Variants in FRMD4A observed in about 807,000 individuals in gnomAD.
FRMD4A encodes FERM domain containing 4A.
Under a neutral mutation model 129.1 loss-of-function variants are expected in FRMD4A, and 29 were observed. The observed-to-expected ratio is 0.22, with a 90% confidence interval of 0.17 to 0.31. The LOEUF (loss-of-function observed/expected upper bound fraction) is 0.31, where lower values mean the gene tolerates loss of function less well. FRMD4A is among the 10% of genes least tolerant of loss of function. The pLI is 1.00. For missense variants in FRMD4A, 1,272 were observed against 1,375.8 expected (o/e 0.92, Z 1.19); for synonymous variants, 634 against 571.6 (o/e 1.11, Z -1.56).
Position 14,127,999 on chromosome 10 carries a change from TCTTTC to T in FRMD4A, c.45+202054_45+202058del, listed in dbSNP as rs1838986713. Among the ~76,000 whole-genome samples, 2 of 101,050 alleles carry T rather than the reference TCTTTC, an allele frequency of 2.0e-5. 1 individual carries two copies. The highest frequency in any genetic ancestry group is 9.2e-5 in the African/African-American group (2 of 21,686). The allele number at this position is 101,050 out of a possible 152,430, so 66.3% of individuals were successfully genotyped here. A position where few individuals can be genotyped will look rare whatever the true frequency, so the allele number is the denominator to read the frequency against. On this transcript the variant is annotated intron_variant, in intron 2 of 24. Coordinates refer to ENST00000357447, the MANE Select transcript of FRMD4A (RefSeq NM_018027.5). ...CTTTCCTTCTCTCTCTCTCTCTCTC[TCTTTC>T]TTTCTTTCTTCCTTCCTTCCTTCCT...
At chr10:13,862,226 A>G (rs2094304605) in intron 2 of FRMD4A, among the ~76,000 whole-genome samples, 2 of 152,242 alleles carry the variant, frequency 1.3e-5, no homozygotes, top group African/African-American at 4.8e-5. Flanking sequence ...TAAAAGGTTA[A>G]GGGTATAAAC....
chr10:14,273,504 T>C (rs1237501009), intron 2 of FRMD4A, among the ~76,000 whole-genome samples: 1 of 152,238 alleles, frequency 6.6e-6, no homozygotes. Context: ...TCAGCTCATG[T>C]AAGCTGATGA....
At chr10:14,042,530 G>A (rs1018200275) in intron 2 of FRMD4A, among the ~76,000 whole-genome samples, 4 of 152,124 alleles carry the variant, frequency 2.6e-5, no homozygotes, top group Non-Finnish European at 5.9e-5. Flanking sequence ...GCCTTGCTGA[G>A]GAAATTAAAT....
chr10:14,160,493 G>A (rs1402555723), intron 2 of FRMD4A, among the ~76,000 whole-genome samples: 1 of 152,148 alleles, frequency 6.6e-6, no homozygotes, highest in Non-Finnish European at 1.5e-5. Context: ...TCAACAGAGT[G>A]GAGAGACACC....
intron 2 of FRMD4A, among the ~76,000 whole-genome samples, chr10:13,973,343 T>C (rs1338915832): frequency 6.6e-6 from 1 of 152,228 alleles, no homozygotes; most frequent in Non-Finnish European, 1.5e-5. Flanking sequence ...ATTTGTTTAA[T>C]TAATATAATG....
chr10:14,292,326 C>T (rs976143296), intron 2 of FRMD4A, among the ~76,000 whole-genome samples: 2 of 152,158 alleles, frequency 1.3e-5, no homozygotes, highest in African/African-American at 4.8e-5. Flanking sequence ...ACAGAATGCT[C>T]AGAAATAAGC....
chr10:13,816,823 T>C (rs887191643), intron 3 of FRMD4A, among the ~76,000 whole-genome samples: 1 of 152,150 alleles, frequency 6.6e-6, no homozygotes, highest in Non-Finnish European at 1.5e-5. Flanking sequence ...CCCAATCGCA[T>C]TCTATTGGAC....
At chr10:14,169,056 A>C in intron 2 of FRMD4A, among the ~76,000 whole-genome samples, 1 of 152,204 alleles carries the variant, frequency 6.6e-6, no homozygotes, top group Non-Finnish European at 1.5e-5. Flanking sequence ...TCTTTGTAAG[A>C]GAATCTGATG....
chr10:13,935,396 C>T (rs2095240121), intron 2 of FRMD4A, among the ~76,000 whole-genome samples: 1 of 126,038 alleles, frequency 7.9e-6, no homozygotes, highest in South Asian at 2.7e-4. Flanking sequence ...CAAGATCATG[C>T]TATTGCACTA....
intron 2 of FRMD4A, among the ~76,000 whole-genome samples, chr10:14,299,057 G>A (rs1012161119): frequency 5.3e-5 from 8 of 152,306 alleles, no homozygotes; most frequent in Admixed American, 5.2e-4. Context: ...CAGACATTCA[G>A]CGATCAAACT....
chr10:13,833,848 C>T (rs1172403606), intron 3 of FRMD4A, among the ~76,000 whole-genome samples: 2 of 152,116 alleles, frequency 1.3e-5, no homozygotes, highest in Admixed American at 6.6e-5. Context: ...TGGAGCTGGG[C>T]CTCAAAGCCA....
intron 6 of FRMD4A, among the ~76,000 whole-genome samples, chr10:13,776,739 C>T (rs563471350): frequency 1.3e-5 from 2 of 152,246 alleles, no homozygotes; most frequent in South Asian, 2.1e-4. Flanking sequence ...GGAACCGTTC[C>T]CCAAGAGACA....
chr10:14,019,264 CA>C (rs1832622081), intron 2 of FRMD4A, among the ~76,000 whole-genome samples: 1 of 151,822 alleles, frequency 6.6e-6, no homozygotes, highest in East Asian at 1.9e-4. Context: ...ATGAATTTAC[CA>C]AATTGAGAGG....
At chr10:14,160,945 C>G (rs1329513707) in intron 2 of FRMD4A, among the ~76,000 whole-genome samples, 1 of 152,036 alleles carries the variant, frequency 6.6e-6, no homozygotes, top group Non-Finnish European at 1.5e-5. Context: ...TTATGGAAAA[C>G]TGCATGAAGA....
intron 2 of FRMD4A, among the ~76,000 whole-genome samples, chr10:13,925,767 T>C (rs2095127054): frequency 6.6e-6 from 1 of 151,580 alleles, no homozygotes; most frequent in Non-Finnish European, 1.5e-5. Context: ...GTAATTTTAG[T>C]AGAGACAGGG....
At chr10:14,095,931 C>G (rs12247012) in intron 2 of FRMD4A, among the ~76,000 whole-genome samples, 1 of 151,970 alleles carries the variant, frequency 6.6e-6, no homozygotes, top group Admixed American at 6.6e-5. Context: ...ACATAAGGAG[C>G]GCAAGTGGAA....
In FRMD4A at chr10:13,900,633, A is replaced by G. The variant is rs540153069; in HGVS notation, c.46-41721T>C. ...AAAATAGGGCCGGGCATGGTGGCTC[A>G]TGCCTGTAATCCCGGGACTTTGGGA... On this transcript the variant is annotated intron_variant, in intron 2 of 24. Transcript: ENST00000357447. 2.1e-4 allele frequency among the ~76,000 whole-genome samples: 32 copies of G among 152,308 alleles called. No homozygotes were observed. In the South Asian group the frequency reaches 6.4e-3, roughly 31 times the overall value.
intron 2 of FRMD4A, among the ~76,000 whole-genome samples, chr10:14,065,594 T>C (rs1017242603): frequency 1.2e-4 from 18 of 152,040 alleles, no homozygotes; most frequent in Non-Finnish European, 7.4e-5. Flanking sequence ...CAGAAATCAC[T>C]CACTCAAGCC....
chr10:13,934,459 C>A (rs1364516080), intron 2 of FRMD4A, among the ~76,000 whole-genome samples: 2 of 149,032 alleles, frequency 1.3e-5, no homozygotes, highest in Non-Finnish European at 3.0e-5. Context: ...CCTAGTCATT[C>A]ATTTTAAAAC....
Sources: gnomAD v4.1 joint callset for allele counts (sites outside exome capture counted in the v4.1 genomes callset) on GRCh38, gnomAD v4.1.1 for gene constraint, MANE v1.5 for transcripts, NCBI Gene and HGNC (gene_info 2026-07-23, HGNC 2026-07-21) for gene names.